The following HERC3 variants were observed in gnomAD, a reference collection of about 807,000 sequenced individuals.
HERC3 encodes probable E3 ubiquitin-protein ligase HERC3.
A neutral mutation model predicts 129.9 loss-of-function variants in HERC3; 58 were observed. That is an observed-to-expected ratio of 0.45 (90% CI 0.36 to 0.56). The LOEUF (loss-of-function observed/expected upper bound fraction) is 0.56, where lower values mean the gene tolerates loss of function less well. Ranked by LOEUF, HERC3 falls within the 20% of genes least tolerant of loss-of-function variation. HERC3 has a pLI of 0.00. For missense variants in HERC3, 835 were observed against 1,244.2 expected, an observed-to-expected ratio of 0.67 and a Z score of 4.95; for synonymous variants, 430 against 451.0, an observed-to-expected ratio of 0.95 and a Z score of 0.59.
At chr4:88,639,431 A>ACAC (rs143395325) in intron 3 of HERC3, among the ~76,000 whole-genome samples, 16,280 of 151,806 alleles carry the variant, frequency 0.11, 1,568 homozygotes, top group East Asian at 0.29. Flanking sequence ...CTCAGAAATA[A>ACAC]CACACATCTG....
At chr4:88,670,285 A>AT in intron 16 of HERC3, 33 bp downstream of exon 16, 2 of 1,422,174 alleles carry the variant, frequency 1.4e-6, no homozygotes, top group Non-Finnish European at 9.9e-7. Flanking sequence ...TTAAAGCTTT[A>AT]GTCTTTTTAT....
At chr4:88,652,383 G>A (rs1043128079) in intron 5 of HERC3, among the ~76,000 whole-genome samples, 4 of 152,226 alleles carry the variant, frequency 2.6e-5, no homozygotes, top group African/African-American at 7.2e-5. Context: ...TTTTCTTAGC[G>A]ACAGCCAACT....
intron 21 of HERC3, among the ~76,000 whole-genome samples, chr4:88,683,760 T>C (rs768060357): frequency 6.6e-6 from 1 of 152,248 alleles, no homozygotes; most frequent in Non-Finnish European, 1.5e-5. Flanking sequence ...CATTATTCTT[T>C]AGTTAGTGTG....
chr4:88,534,880 A>C, the HERC3 span, among the ~76,000 whole-genome samples: 1 of 152,210 alleles, frequency 6.6e-6, no homozygotes, highest in Non-Finnish European at 1.5e-5. Flanking sequence ...CAAATAGTCC[A>C]TAGTGTAAAA....
chr4:88,683,721 C>T (rs1480413623), intron 21 of HERC3, among the ~76,000 whole-genome samples: 1 of 152,174 alleles, frequency 6.6e-6, no homozygotes, highest in African/African-American at 2.4e-5. Flanking sequence ...TTGCCATAAA[C>T]ATATTCTTCT....
At chr4:88,672,274 A>G (rs1015873298) in intron 16 of HERC3, among the ~76,000 whole-genome samples, 8 of 152,206 alleles carry the variant, frequency 5.3e-5, no homozygotes, top group African/African-American at 9.6e-5. Context: ...AACTTTTACA[A>G]TATTTTAAAC....
chr4:88,670,202 G>T lies in HERC3; in HGVS notation c.1861G>T (p.Val621Leu), dbSNP rs571372318. The change falls in exon 16 of 26, where the codon GTG becomes TTG. Residue 621 changes from valine (V) to leucine (L), a missense_variant. Coordinates refer to ENST00000402738, the MANE Select transcript of HERC3 (RefSeq NM_014606.3). ...TTACATTCCTGAGATTTCCAATCTCGTGGACATTCAGGAAGACTACCTCAT... is the reference window on the plus strand; with the variant it reads ...TTACATTCCTGAGATTTCCAATCTCTTGGACATTCAGGAAGACTACCTCAT... ...TFYIPEISNL[V>L]DIQEDYLMWF... 6.2e-7 allele frequency: 1 copy of T among 1,613,588 alleles called. No individual in the cohort carries two copies. The highest frequency in any genetic ancestry group is 1.7e-5 in the Admixed American group (1 of 60,004).
chr4:88,690,078 A>G, intron 23 of HERC3: 1 of 985,392 alleles, frequency 1.0e-6, no homozygotes, highest in Non-Finnish European at 1.2e-6. Context: ...AGTTGATGGA[A>G]TTATCTTGGC....
chr4:88,667,763 C>G, intron 13 of HERC3, 129 bp from the exon 14 acceptor site: 2 of 713,148 alleles, frequency 2.8e-6, no homozygotes, highest in Non-Finnish European at 4.7e-6. Flanking sequence ...GTGTCAGGCT[C>G]ATAGTAGGTT....
intron 3 of HERC3, among the ~76,000 whole-genome samples, chr4:88,640,448 A>G (rs1244779888): frequency 6.6e-6 from 1 of 152,242 alleles, no homozygotes; most frequent in Admixed American, 6.5e-5. Flanking sequence ...GCTGGAAGCC[A>G]TCATTCTCAG....
chr4:88,607,073 A>G (rs1214390203), intron 3 of HERC3, among the ~76,000 whole-genome samples: 1 of 152,082 alleles, frequency 6.6e-6, no homozygotes, highest in Non-Finnish European at 1.5e-5. Context: ...CCTTATGGCA[A>G]ATGCTGTCAT....
In HERC3 at chr4:88,706,747, C is replaced by G. The variant is rs1735816290; in HGVS notation, c.2945-5C>G. On this transcript the variant is annotated splice_region_variant and splice_polypyrimidine_tract_variant and intron_variant, in intron 25 of 25. Transcript: ENST00000402738. ...GCTGCTAATGCCATTTCTCGTTCTC[C>G]CCAGTGTTCCTGACAGGCAGCGATC... 1 of 1,613,574 alleles carries G rather than the reference C, an allele frequency of 6.2e-7. No homozygotes were observed. The highest frequency in any genetic ancestry group is 1.1e-5 in the South Asian group (1 of 91,060).
the HERC3 span, among the ~76,000 whole-genome samples, chr4:88,535,738 A>G: frequency 2.2e-4 from 34 of 152,288 alleles, no homozygotes; most frequent in African/African-American, 8.2e-4. Context: ...TCCCACACGA[A>G]TGACCTCATC....
At chr4:88,695,030 T>C (rs1424850189) in intron 23 of HERC3, among the ~76,000 whole-genome samples, 1 of 152,218 alleles carries the variant, frequency 6.6e-6, no homozygotes, top group Non-Finnish European at 1.5e-5. Context: ...CAATCGTTTT[T>C]GCTTTTTACT....
the HERC3 span, among the ~76,000 whole-genome samples, chr4:88,578,245 G>GT: frequency 6.6e-6 from 1 of 152,122 alleles, no homozygotes; most frequent in Non-Finnish European, 1.5e-5. Flanking sequence ...GAGAAAAAAT[G>GT]TATCTATTGA....
intron 10 of HERC3, among the ~76,000 whole-genome samples, chr4:88,660,268 C>A (rs1352670612): frequency 1.3e-5 from 2 of 151,344 alleles, no homozygotes; most frequent in African/African-American, 4.9e-5. Context: ...ATGGCGTGAT[C>A]CCGGCTCACT....
At chr4:88,538,959 TG>T in the HERC3 span, among the ~76,000 whole-genome samples, 1 of 152,178 alleles carries the variant, frequency 6.6e-6, no homozygotes, top group Non-Finnish European at 1.5e-5. Context: ...GCTTCCAAGA[TG>T]GCCAAATAGG....
intron 1 of HERC3, chr4:88,593,463 T>C (rs1030946313): frequency 6.6e-6 from 1 of 152,234 alleles, no homozygotes; most frequent in Admixed American, 6.5e-5. Context: ...GTGCACGGAA[T>C]ATGTGTATGC....
At chr4:88,671,190 C>T (rs1731580683) in intron 16 of HERC3, among the ~76,000 whole-genome samples, 1 of 151,964 alleles carries the variant, frequency 6.6e-6, no homozygotes, top group South Asian at 2.1e-4. Context: ...GGAGTATGTG[C>T]AAATTTGAGT....
Sources: gnomAD v4.1 joint callset for allele counts (sites outside exome capture counted in the v4.1 genomes callset) on GRCh38, gnomAD v4.1.1 for gene constraint, MANE v1.5 for transcripts, NCBI Gene and HGNC (gene_info 2026-07-23, HGNC 2026-07-21) for gene names.